SGCD: variants seen among roughly 807,000 people sequenced by gnomAD.
The protein encoded by SGCD is delta-sarcoglycan.
A neutral mutation model predicts 36.6 loss-of-function variants in SGCD; 18 were observed. The ratio of observed to expected loss-of-function variants is 0.49; its 90% CI spans 0.34 to 0.73. The LOEUF (loss-of-function observed/expected upper bound fraction) is 0.73. Among genes scored for constraint, SGCD ranks in the 30% least tolerant of loss-of-function variants. The probability of loss-of-function intolerance (pLI) is 0.01; values close to 1 mark genes in which losing one functional copy is unlikely to be tolerated. For synonymous variants in SGCD, 133 were observed against 130.6 expected (o/e 1.02, Z -0.12); for missense variants, 387 against 346.7 (o/e 1.12, Z -0.92).
chr5:156,185,815 C>T (rs1007229927), intron 3 of SGCD, among the ~76,000 whole-genome samples: 10 of 60,132 alleles, frequency 1.7e-4, no homozygotes, highest in Non-Finnish European at 2.5e-4. Context: ...ATAAATATGG[C>T]CATATATATG....
chr5:155,797,452 T>A, the SGCD span, among the ~76,000 whole-genome samples: 1 of 152,214 alleles, frequency 6.6e-6, no homozygotes, highest in South Asian at 2.1e-4. Context: ...TATATGCATT[T>A]TAAGTATATA....
At chr5:155,868,366 T>C (rs955750133), upstream of SGCD, among the ~76,000 whole-genome samples, 98 of 147,594 alleles carry the variant, frequency 6.6e-4, no homozygotes, top group African/African-American at 1.1e-3. Context: ...TTTTCTTTTT[T>C]TTTTTTTTTT....
At chr5:155,978,828 TAA>T (rs879399983) in intron 1 of SGCD, among the ~76,000 whole-genome samples, 5 of 145,908 alleles carry the variant, frequency 3.4e-5, no homozygotes, top group African/African-American at 1.3e-4. Flanking sequence ...GGAGTTATTT[TAA>T]AAAAAAAAAG....
chr5:156,433,212 C>T (rs1211077172), intron 3 of SGCD, among the ~76,000 whole-genome samples: 2 of 152,200 alleles, frequency 1.3e-5, no homozygotes, highest in Non-Finnish European at 2.9e-5. Flanking sequence ...CTGCTCTAAT[C>T]ATTCTCTCTC....
chr5:156,471,637 A>G (rs1754967558), intron 3 of SGCD, among the ~76,000 whole-genome samples: 1 of 152,130 alleles, frequency 6.6e-6, no homozygotes, highest in Non-Finnish European at 1.5e-5. Context: ...ACACTATACA[A>G]AAAATTAATC....
At position 155,913,698 on chromosome 5, in the gene SGCD, G is replaced by T. The variant is rs532640592; in HGVS notation, c.-282+43274G>T. Among the ~76,000 whole-genome samples the T allele has an allele frequency of 1.1e-4, 17 of 152,106 alleles. No individual in the cohort carries two copies. In the South Asian group the frequency reaches 3.5e-3, roughly 32 times the overall value. ...CTTCAGACCATGTCAGACAAAACTT[G>T]TCCTCATTATATTGAATTATATTTG... On this transcript the variant is annotated intron_variant, in intron 1 of 9. Transcript: ENST00000517913.
intron 3 of SGCD, among the ~76,000 whole-genome samples, chr5:156,250,837 T>A (rs1210052967): frequency 6.6e-6 from 1 of 152,146 alleles, no homozygotes; most frequent in Admixed American, 6.5e-5. Context: ...ATAAAGCATA[T>A]CTGAAAATGC....
intron 7 of SGCD, among the ~76,000 whole-genome samples, chr5:156,750,847 G>C (rs1339481837): frequency 6.6e-6 from 1 of 152,036 alleles, no homozygotes; most frequent in Non-Finnish European, 1.5e-5. Flanking sequence ...GGGAATAGGA[G>C]AATGAGAAAT....
intron 1 of SGCD, among the ~76,000 whole-genome samples, chr5:155,883,793 C>CA (rs34250962): frequency 0.25 from 20,719 of 83,566 alleles, 2,654 homozygotes; most frequent in East Asian, 0.35. Flanking sequence ...CTTCAATTTG[C>CA]AAAAAAAAAA....
chr5:156,003,324 G>C (rs1758698726), intron 1 of SGCD, among the ~76,000 whole-genome samples: 1 of 152,228 alleles, frequency 6.6e-6, no homozygotes. Context: ...CCTGGCACAA[G>C]ATAAAAGCTA....
At chr5:156,679,511 T>C (rs1161692332) in intron 7 of SGCD, among the ~76,000 whole-genome samples, 2 of 152,196 alleles carry the variant, frequency 1.3e-5, no homozygotes, top group Non-Finnish European at 2.9e-5. Flanking sequence ...CACAGCTGTA[T>C]GGAGCCCTGG....
At chr5:156,524,111 T>C (rs1370075079) in intron 4 of SGCD, among the ~76,000 whole-genome samples, 1 of 28,858 alleles carries the variant, frequency 3.5e-5, no homozygotes, top group South Asian at 1.2e-3. Flanking sequence ...TATATATATA[T>C]ATATATATAT....
At chr5:155,764,541 T>G in the SGCD span, among the ~76,000 whole-genome samples, 2 of 152,164 alleles carry the variant, frequency 1.3e-5, no homozygotes, top group Non-Finnish European at 2.9e-5. Context: ...GAGGCACTTT[T>G]CATGGCAGAT....
the SGCD span, among the ~76,000 whole-genome samples, chr5:155,765,184 G>A: frequency 6.6e-6 from 1 of 151,972 alleles, no homozygotes; most frequent in South Asian, 2.1e-4. Flanking sequence ...GGGGGCTGAG[G>A]TGGGAGGATC....
intron 4 of SGCD, among the ~76,000 whole-genome samples, chr5:156,548,558 A>G (rs962074393): frequency 1.3e-5 from 2 of 152,360 alleles, no homozygotes; most frequent in African/African-American, 2.4e-5. Flanking sequence ...GATTCTAAAC[A>G]CAGCTGACTC....
At chr5:156,724,318 T>G (rs1261803088) in intron 7 of SGCD, among the ~76,000 whole-genome samples, 2 of 152,050 alleles carry the variant, frequency 1.3e-5, no homozygotes, top group Non-Finnish European at 2.9e-5. Context: ...AAAATATAAC[T>G]AGATACCCGG....
chr5:156,242,349 G>A (rs372995681), intron 3 of SGCD, among the ~76,000 whole-genome samples: 28 of 152,308 alleles, frequency 1.8e-4, no homozygotes, highest in Middle Eastern at 6.8e-3. Flanking sequence ...AGGAAGATGA[G>A]TGTGGCTGTA....
the SGCD span, among the ~76,000 whole-genome samples, chr5:155,735,149 A>G: frequency 6.6e-6 from 1 of 152,220 alleles, no homozygotes; most frequent in African/African-American, 2.4e-5. Context: ...ATGCTAAAAG[A>G]AAAATCATCC....
chr5:156,025,078 G>A (rs1024620839), intron 1 of SGCD, among the ~76,000 whole-genome samples: 5 of 152,164 alleles, frequency 3.3e-5, no homozygotes, highest in Admixed American at 3.3e-4. Context: ...GCTTAACTTG[G>A]AGAAAGTTTC....
Sources: gnomAD v4.1 joint callset for allele counts (sites outside exome capture counted in the v4.1 genomes callset) on GRCh38, gnomAD v4.1.1 for gene constraint, MANE v1.5 for transcripts, NCBI Gene and HGNC (gene_info 2026-07-23, HGNC 2026-07-21) for gene names.